The following CD44 variants were observed in gnomAD, a reference collection of about 807,000 sequenced individuals.
The protein encoded by CD44 is CD44 molecule (IN blood group).
A neutral mutation model predicts 88.8 loss-of-function variants in CD44; 49 were observed. The ratio of observed to expected loss-of-function variants is 0.55; its 90% CI spans 0.44 to 0.70. CD44 has a LOEUF of 0.70. Ranked by LOEUF, CD44 falls within the 30% of genes least tolerant of loss-of-function variation. The pLI is 0.00. For missense variants in CD44, 883 were observed against 913.8 expected, an observed-to-expected ratio of 0.97 and a Z score of 0.43; for synonymous variants, 325 against 312.3, an observed-to-expected ratio of 1.04 and a Z score of -0.43.
intron 4 of CD44, among the ~76,000 whole-genome samples, chr11:35,187,297 T>G (rs1311821167): frequency 6.6e-6 from 1 of 152,022 alleles, no homozygotes; most frequent in African/African-American, 2.4e-5. Context: ...AAAAAAATAT[T>G]AGTCATTTCC....
intron 16 of CD44, among the ~76,000 whole-genome samples, chr11:35,221,391 C>CT: frequency 6.6e-6 from 1 of 152,202 alleles, no homozygotes; most frequent in Admixed American, 6.5e-5. Context: ...TCATCCTGTC[C>CT]TTTTTTAGAA....
Position 35,180,441 on chromosome 11 carries a change from A to C in CD44, c.367+34A>C, listed in dbSNP as rs546626209. On this transcript the variant is annotated intron_variant, in intron 3 of 17. Transcript: ENST00000428726. Reference sequence around the variant, plus strand: ...TCAGGGGGGTGTCTGTTGGCGTGAAAGGCTGTGGGAGCCTGGTCTTTGGAG... The same window carrying C: ...TCAGGGGGGTGTCTGTTGGCGTGAACGGCTGTGGGAGCCTGGTCTTTGGAG... The C allele has an allele frequency of 3.4e-5, 55 of 1,613,282 alleles. No individual in the cohort carries two copies. The South Asian group carries it at 3.8e-4, about 11-fold the overall frequency.
chr11:35,232,046 C>T lies in CD44; in HGVS notation c.*2713C>T, dbSNP rs1352565747. 2.0e-5 allele frequency: 3 copies of T among 152,144 alleles called. No individual in the cohort carries two copies. Among genetic ancestry groups the T allele is most frequent in the African/African-American group, 7.2e-5 (3 of 41,436 alleles). 9.4% of individuals were successfully genotyped at this position (152,144 alleles called of 1,614,324 possible). A position where few individuals can be genotyped will look rare whatever the true frequency, so the allele number is the denominator to read the frequency against. ...AAGAATTGATTTTGTAGCCAACATT[C>T]ATTCAATACTGTTATATCAGAGGAG... On this transcript the variant is annotated 3_prime_UTR_variant, in exon 18 of 18. Coordinates refer to ENST00000428726, the MANE Select transcript of CD44 (RefSeq NM_000610.4).
At chr11:35,190,814 T>C (rs1472708164) in intron 5 of CD44, among the ~76,000 whole-genome samples, 1 of 152,230 alleles carries the variant, frequency 6.6e-6, no homozygotes, top group Non-Finnish European at 1.5e-5. Context: ...ATCCAGCCTG[T>C]TGGGGAATGT....
In CD44 at chr11:35,210,065, TA is replaced by T; in HGVS notation, c.1606+15del. On this transcript the variant is annotated intron_variant, in intron 13 of 17. Transcript: ENST00000428726. ...CTCTGACATCAAGCAGTAAGGATTATAAAACCTAGTTGGCTTCAGCTATTGA... is the reference window on the plus strand; with the variant it reads ...CTCTGACATCAAGCAGTAAGGATTATAAACCTAGTTGGCTTCAGCTATTGA... The T allele has an allele frequency of 6.7e-7, 1 of 1,484,668 alleles. No homozygotes were observed. Among genetic ancestry groups the T allele is most frequent in the Non-Finnish European group, 9.1e-7 (1 of 1,103,438 alleles). 92.0% of individuals were successfully genotyped at this position (1,484,668 alleles called of 1,614,324 possible). A position where few individuals can be genotyped will look rare whatever the true frequency, so the allele number is the denominator to read the frequency against.
intron 1 of CD44, among the ~76,000 whole-genome samples, chr11:35,167,513 G>C (rs1290506362): frequency 6.6e-6 from 1 of 152,114 alleles, no homozygotes; most frequent in East Asian, 1.9e-4. Context: ...TATTAGTTGT[G>C]CAATCTGTTT....
intron 5 of CD44, among the ~76,000 whole-genome samples, chr11:35,193,947 C>A (rs986949462): frequency 6.6e-6 from 1 of 152,116 alleles, no homozygotes; most frequent in Non-Finnish European, 1.5e-5. Context: ...TGCGTGTGGG[C>A]GGAGCTTTGA....
chr11:35,204,712 T>G, intron 10 of CD44, 72 bp downstream of exon 10: 1 of 1,393,554 alleles, frequency 7.2e-7, no homozygotes, highest in Non-Finnish European at 1.0e-6. Context: ...ATTGAGGACA[T>G]TGAACAAAAG....
rs138442516 is a variant in CD44, at chr11:35,230,915, G to C, written c.*1582G>C. 1,751 of 152,526 alleles carry C rather than the reference G, an allele frequency of 0.011. 17 individuals carry two copies. The highest frequency in any genetic ancestry group is 0.018 in the Non-Finnish European group (1,220 of 68,158). 9.4% of individuals were successfully genotyped at this position (152,526 alleles called of 1,614,324 possible). On this transcript the variant is annotated 3_prime_UTR_variant, in exon 18 of 18. Coordinates refer to ENST00000428726, the MANE Select transcript of CD44 (RefSeq NM_000610.4). Reference sequence around the variant, plus strand: ...TTACCTAAACTTATGTGCTTAACAGGCAATGCTTCTCAGACCACAAAGCAG... The same window carrying C: ...TTACCTAAACTTATGTGCTTAACAGCCAATGCTTCTCAGACCACAAAGCAG...
At chr11:35,160,181 A>G (rs1165291391) in intron 1 of CD44, among the ~76,000 whole-genome samples, 1 of 152,208 alleles carries the variant, frequency 6.6e-6, no homozygotes, top group Non-Finnish European at 1.5e-5. Context: ...GAATGGTTCA[A>G]ATTGGCCCAA....
chr11:35,183,338 C>CG (rs1554962879), intron 3 of CD44, among the ~76,000 whole-genome samples: 6 of 126,610 alleles, frequency 4.7e-5, no homozygotes, highest in Non-Finnish European at 7.0e-5. Context: ...AGCAATGAGA[C>CG]AAAAAAAAAA....
intron 12 of CD44, among the ~76,000 whole-genome samples, chr11:35,208,585 G>A (rs1195538987): frequency 1.3e-5 from 2 of 152,134 alleles, no homozygotes; most frequent in Non-Finnish European, 2.9e-5. Flanking sequence ...CAGAAGAGGG[G>A]TAGGATTGCT....
intron 5 of CD44, among the ~76,000 whole-genome samples, chr11:35,193,014 C>G (rs1946421283): frequency 6.6e-6 from 1 of 151,960 alleles, no homozygotes; most frequent in Non-Finnish European, 1.5e-5. Context: ...AATTATGCAT[C>G]TTTAATAAAG....
At chr11:35,186,772 T>G (rs1326686476) in intron 3 of CD44, 60 bp from the exon 4 acceptor site, 19 of 929,666 alleles carry the variant, frequency 2.0e-5, no homozygotes, top group Non-Finnish European at 3.4e-5. Context: ...CTAATAAAAA[T>G]GAGGGTAGAT....
intron 13 of CD44, among the ~76,000 whole-genome samples, chr11:35,210,933 T>C (rs1314513626): frequency 6.6e-6 from 1 of 152,202 alleles, no homozygotes; most frequent in Non-Finnish European, 1.5e-5. Context: ...CTCAAGATTA[T>C]CTAGTACCTC....
chr11:35,229,760 C>T lies in CD44; in HGVS notation c.*427C>T, dbSNP rs1394053490. Reference sequence around the variant, plus strand: ...CATTTTGCCCTTCCATAGCCTAATCCCTGGGCATTGCTTTCCACTGAGGTT... The same window carrying T: ...CATTTTGCCCTTCCATAGCCTAATCTCTGGGCATTGCTTTCCACTGAGGTT... On this transcript the variant is annotated 3_prime_UTR_variant, in exon 18 of 18. Coordinates refer to ENST00000428726, the MANE Select transcript of CD44 (RefSeq NM_000610.4). 5.5e-6 allele frequency: 1 copy of T among 182,924 alleles called. No individual in the cohort carries two copies. Among genetic ancestry groups the T allele is most frequent in the African/African-American group, 2.4e-5 (1 of 42,190 alleles). The allele number at this position is 182,924 out of a possible 1,614,324, so 11.3% of individuals were successfully genotyped here. A position where few individuals can be genotyped will look rare whatever the true frequency, so the allele number is the denominator to read the frequency against.
At chr11:35,145,440 C>T (rs1286106888) in intron 1 of CD44, among the ~76,000 whole-genome samples, 1 of 152,198 alleles carries the variant, frequency 6.6e-6, no homozygotes, top group Non-Finnish European at 1.5e-5. Context: ...CTGCCCACCA[C>T]AGGCCTCATG....
At chr11:35,152,395 G>T (rs971648440) in intron 1 of CD44, among the ~76,000 whole-genome samples, 2 of 152,180 alleles carry the variant, frequency 1.3e-5, no homozygotes, top group Non-Finnish European at 2.9e-5. Context: ...AATAGCCCCT[G>T]GGTAAGATTA....
chr11:35,178,404 A>C (rs1406077006), intron 2 of CD44, among the ~76,000 whole-genome samples: 1 of 152,166 alleles, frequency 6.6e-6, no homozygotes, highest in Non-Finnish European at 1.5e-5. Context: ...ACCTCATTTT[A>C]TGGATGAAGC....
Sources: allele counts gnomAD v4.1 joint callset (sites outside exome capture counted in the v4.1 genomes callset), GRCh38; gene constraint gnomAD v4.1.1; transcripts MANE v1.5; gene names NCBI Gene and HGNC (gene_info 2026-07-23, HGNC 2026-07-21).